Variants in SNTG2 observed in about 807,000 individuals in gnomAD.
SNTG2 encodes the protein gamma-2-syntrophin.
Under a neutral mutation model 70.9 loss-of-function variants are expected in SNTG2, and 74 were observed. The observed-to-expected ratio is 1.04, with a 90% CI of 0.86 to 1.27. The LOEUF is 1.27. Among genes scored for constraint, SNTG2 ranks in the 50% most tolerant of loss-of-function variants. The probability of loss-of-function intolerance (pLI) is 0.00; values close to 1 mark genes in which losing one functional copy is unlikely to be tolerated. For synonymous variants in SNTG2, 278 were observed against 273.8 expected (o/e 1.02, Z -0.15); for missense variants, 717 against 690.7 (o/e 1.04, Z -0.43).
chr2:1,105,541 C>CA (rs1666062803), intron 4 of SNTG2, among the ~76,000 whole-genome samples: 1 of 152,254 alleles, frequency 6.6e-6, no homozygotes, highest in East Asian at 1.9e-4. Context: ...AACCGCTCTC[C>CA]AAAAAATCTG....
At chr2:1,101,652 A>G (rs1349443793) in intron 4 of SNTG2, among the ~76,000 whole-genome samples, 1 of 152,174 alleles carries the variant, frequency 6.6e-6, no homozygotes, top group Non-Finnish European at 1.5e-5. Flanking sequence ...CCAGGAGAGC[A>G]TACCCTCTAC....
chr2:1,082,639 C>T (rs1664409989), intron 1 of SNTG2, among the ~76,000 whole-genome samples: 2 of 152,214 alleles, frequency 1.3e-5, no homozygotes, highest in Non-Finnish European at 2.9e-5. Context: ...GACCAAGTGC[C>T]CTGGCTGCCA....
At chr2:1,250,358 T>C (rs1054115495) in intron 12 of SNTG2, among the ~76,000 whole-genome samples, 1 of 152,230 alleles carries the variant, frequency 6.6e-6, no homozygotes, top group East Asian at 1.9e-4. Context: ...AGCTCCTCCC[T>C]CCATCTCTCT....
chr2:1,264,829 G>A (rs1179707871), intron 13 of SNTG2, among the ~76,000 whole-genome samples: 1 of 152,150 alleles, frequency 6.6e-6, no homozygotes, highest in Non-Finnish European at 1.5e-5. Flanking sequence ...CCAATTAGTT[G>A]TGATTACAGG....
At chr2:1,201,244 C>A (rs1673255121) in intron 8 of SNTG2, among the ~76,000 whole-genome samples, 1 of 151,934 alleles carries the variant, frequency 6.6e-6, no homozygotes, top group Admixed American at 6.6e-5. Flanking sequence ...TCATCCACAG[C>A]AACATGGATG....
chr2:1,326,760 A>G (rs1681779966), intron 16 of SNTG2, among the ~76,000 whole-genome samples: 1 of 152,186 alleles, frequency 6.6e-6, no homozygotes, highest in South Asian at 2.1e-4. Flanking sequence ...CTTATAAACG[A>G]ATCCATTTAA....
At chr2:1,288,008 G>A (rs558161513) in intron 14 of SNTG2, among the ~76,000 whole-genome samples, 28 of 152,084 alleles carry the variant, frequency 1.8e-4, no homozygotes, top group East Asian at 3.9e-4. Flanking sequence ...CTGGAACCTC[G>A]GACAAGTTTT....
chr2:1,173,540 A>G (rs1671268190), intron 8 of SNTG2, among the ~76,000 whole-genome samples: 1 of 152,270 alleles, frequency 6.6e-6, no homozygotes, highest in Admixed American at 6.5e-5. Context: ...CTTAACAGAA[A>G]ACACCTAAGG....
At chr2:1,024,021 G>A (rs1572241028) in intron 1 of SNTG2, among the ~76,000 whole-genome samples, 1 of 152,160 alleles carries the variant, frequency 6.6e-6, no homozygotes, top group African/African-American at 2.4e-5. Context: ...TGTGCAGTGC[G>A]AGATGGTGAT....
intron 1 of SNTG2, 116 bp from the exon 2 acceptor site, chr2:1,083,402 G>A (rs574040329): frequency 3.7e-5 from 37 of 988,410 alleles, no homozygotes; most frequent in East Asian, 2.6e-4. Flanking sequence ...CTGTGCACAC[G>A]CGAGCACTAC....
intron 1 of SNTG2, among the ~76,000 whole-genome samples, chr2:992,450 C>G (rs1360629194): frequency 1.3e-5 from 2 of 148,734 alleles, no homozygotes; most frequent in Non-Finnish European, 1.5e-5. Context: ...TCAGGATACA[C>G]TGTTGACAAG....
rs184986046 is a variant in SNTG2 at position 1,247,426 on chromosome 2, G to C, written c.988G>C (p.Val330Leu). ...AGCACTGAAGGGCCCGTCCTTCTAC[G>C]TTTTCAGCACTCCTCCGGTAAGGAT... ...FLALKGPSFYVFSTPPVSTFD... is the reference protein window; with the variant it reads ...FLALKGPSFYLFSTPPVSTFD... Residue 330 changes from valine to leucine, a missense_variant, in exon 12 of 17, where the codon GTT becomes CTT. Physicochemically the swap from Val to Leu is conservative, Grantham distance 32. Coordinates refer to ENST00000308624, the MANE Select transcript of SNTG2 (RefSeq NM_018968.4). 9.3e-6 allele frequency: 15 copies of C among 1,613,150 alleles called. No homozygotes were observed. Among genetic ancestry groups the C allele is most frequent in the Non-Finnish European group, 1.3e-5 (15 of 1,179,138 alleles).
At position 950,861 on chromosome 2, in the gene SNTG2, C is replaced by G. The variant is rs1373111854; in HGVS notation, c.-136C>G. The G allele has an allele frequency of 2.2e-5, 6 of 276,878 alleles. No homozygotes were observed. Among genetic ancestry groups the G allele is most frequent in the Non-Finnish European group, 3.2e-5 (5 of 158,062 alleles). The allele number at this position is 276,878 out of a possible 1,614,324, so 17.2% of individuals were successfully genotyped here. ...GCTCCGGTTCCCCAGCCCTGCGCCCCGGTGGAGCCCGAGCCGGAGCCGGCA... is the reference window on the plus strand; with the variant it reads ...GCTCCGGTTCCCCAGCCCTGCGCCCGGGTGGAGCCCGAGCCGGAGCCGGCA... On this transcript the variant is annotated 5_prime_UTR_variant, in exon 1 of 17. Coordinates refer to ENST00000308624, the MANE Select transcript of SNTG2 (RefSeq NM_018968.4).
rs111415895 is a variant in SNTG2, at chr2:1,235,099, G to A, written c.720-2789G>A. On this transcript the variant is annotated intron_variant, in intron 9 of 16. Coordinates refer to ENST00000308624, the MANE Select transcript of SNTG2 (RefSeq NM_018968.4). ...AGGGACCCCCAATTCATGAGAGGGG[G>A]GACCCCTGCCCCCATGCTGCCCTGA... is the stretch of plus-strand genomic sequence containing the variant. Among the ~76,000 whole-genome samples the A allele has an allele frequency of 5.9e-3, 898 of 152,292 alleles. 8 individuals are homozygous for A. The highest frequency in any genetic ancestry group is 0.01 in the Non-Finnish European group (709 of 68,002).
chr2:1,221,269 C>T (rs1198643590), intron 9 of SNTG2, among the ~76,000 whole-genome samples: 3 of 151,716 alleles, frequency 2.0e-5, no homozygotes, highest in Non-Finnish European at 2.9e-5. Context: ...AGAGGTCTGT[C>T]TCTGTCTCTG....
At chr2:1,314,972 T>A (rs1681204124) in intron 15 of SNTG2, among the ~76,000 whole-genome samples, 1 of 152,106 alleles carries the variant, frequency 6.6e-6, no homozygotes. Flanking sequence ...CCATAACAAT[T>A]CAAGATGAGA....
At chr2:1,209,450 A>G (rs1340322454) in intron 9 of SNTG2, among the ~76,000 whole-genome samples, 2 of 152,252 alleles carry the variant, frequency 1.3e-5, no homozygotes, top group Non-Finnish European at 2.9e-5. Flanking sequence ...GAATAGTTCT[A>G]TCTAGGGCAA....
intron 1 of SNTG2, among the ~76,000 whole-genome samples, chr2:1,027,084 C>T (rs184681452): frequency 1.3e-5 from 2 of 152,270 alleles, no homozygotes; most frequent in East Asian, 1.9e-4. Flanking sequence ...CTCTGTGTCC[C>T]GTGACTCTTT....
At chr2:1,148,572 T>C (rs1436520940) in intron 6 of SNTG2, among the ~76,000 whole-genome samples, 1 of 152,224 alleles carries the variant, frequency 6.6e-6, no homozygotes, top group Non-Finnish European at 1.5e-5. Context: ...CCCTCACTAC[T>C]GACCTGTGTG....
Sources: gnomAD v4.1 joint callset for allele counts (sites outside exome capture counted in the v4.1 genomes callset) on GRCh38, gnomAD v4.1.1 for gene constraint, MANE v1.5 for transcripts, NCBI Gene and HGNC (gene_info 2026-07-23, HGNC 2026-07-21) for gene names.